ABCB11: variants seen among roughly 807,000 people sequenced by gnomAD.
ABCB11 encodes bile salt export pump.
In ABCB11, 95 loss-of-function variants were observed where a neutral mutation model predicts 148.0. The observed-to-expected ratio is 0.64, with a 90% CI of 0.54 to 0.76. The LOEUF is 0.76. Among genes scored for constraint, ABCB11 ranks in the 30% least tolerant of loss-of-function variants. The pLI is 0.00. For synonymous variants in ABCB11, 591 were observed against 555.4 expected (o/e 1.06, Z -0.90); for missense variants, 1,523 against 1,617.8 (o/e 0.94, Z 1.01).
intron 1 of ABCB11, among the ~76,000 whole-genome samples, chr2:169,023,458 A>G (rs1311160002): frequency 2.6e-5 from 4 of 152,214 alleles, no homozygotes; most frequent in African/African-American, 4.8e-5. Flanking sequence ...GCATGCAGAG[A>G]TATGTGTAAG....
intron 18 of ABCB11, among the ~76,000 whole-genome samples, chr2:168,959,949 A>G (rs907234043): frequency 1.2e-4 from 18 of 151,264 alleles, no homozygotes; most frequent in Non-Finnish European, 2.2e-4. Context: ...AAAAAAAAAA[A>G]AAAAAAAAAA....
chr2:168,935,473 C>T (rs748983132), intron 22 of ABCB11, 48 bp from the exon 23 acceptor site: 1 of 1,566,640 alleles, frequency 6.4e-7, no homozygotes, highest in Non-Finnish European at 8.7e-7. Flanking sequence ...GAAATAACTC[C>T]TTTCGTGACA....
At chr2:168,942,525 GAATT>G (rs1461336644) in intron 21 of ABCB11, among the ~76,000 whole-genome samples, 2 of 150,928 alleles carry the variant, frequency 1.3e-5, no homozygotes, top group Admixed American at 6.6e-5. Flanking sequence ...AAAATAGAAA[GAATT>G]AATAAGACAT....
chr2:168,988,377 T>C (rs1694399848), intron 9 of ABCB11, among the ~76,000 whole-genome samples: 1 of 152,104 alleles, frequency 6.6e-6, no homozygotes, highest in Non-Finnish European at 1.5e-5. Flanking sequence ...GTGCCTGGCT[T>C]ATTTCACTTA....
Position 168,930,806 on chromosome 2 carries a change from T to G in ABCB11, c.3270A>C (p.Arg1090=). 6.2e-7 allele frequency: 1 copy of G among 1,612,666 alleles called. No individual in the cohort carries two copies. Among genetic ancestry groups the G allele is most frequent in the Non-Finnish European group, 8.5e-7 (1 of 1,179,342 alleles). Residue 1090 remains arginine (R), a synonymous_variant, in exon 25 of 28, where the codon CGA becomes CGC. Coordinates refer to ENST00000650372, the MANE Select transcript of ABCB11 (RefSeq NM_003742.4). Reference sequence around the variant, plus strand: ...GACCATTCAGAACTTGCGAGTCAGGTCGAGAAGGATATGTAAATTTACAAT... The same window carrying G: ...GACCATTCAGAACTTGCGAGTCAGGGCGAGAAGGATATGTAAATTTACAAT... The part of the protein sequence containing the change: ...FVDCKFTYPS[R]PDSQVLNGLS...
In ABCB11 at chr2:168,923,425, A is replaced by G. The variant is rs1691158620; in HGVS notation, c.*197T>C. 4 of 625,738 alleles carry G rather than the reference A, an allele frequency of 6.4e-6. No individual in the cohort carries two copies. The African/African-American group carries it at 7.4e-5, about 12-fold the overall frequency. The allele number at this position is 625,738 out of a possible 1,614,324, so 38.8% of individuals were successfully genotyped here. On this transcript the variant is annotated 3_prime_UTR_variant, in exon 28 of 28. Coordinates refer to ENST00000650372, the MANE Select transcript of ABCB11 (RefSeq NM_003742.4). ...TCTTTCATTTTCTGTATACACATCTAAAGCAGAATTATTATGGAAGGCCAT... is the reference window on the plus strand; with the variant it reads ...TCTTTCATTTTCTGTATACACATCTGAAGCAGAATTATTATGGAAGGCCAT...
chr2:168,984,052 G>A (rs1172424978), intron 10 of ABCB11, among the ~76,000 whole-genome samples: 5 of 152,080 alleles, frequency 3.3e-5, no homozygotes, highest in Non-Finnish European at 7.4e-5. Context: ...AAATGGGTGA[G>A]TGTAAAAGGC....
chr2:169,011,083 C>T (rs2106042784), intron 5 of ABCB11, among the ~76,000 whole-genome samples: 1 of 152,262 alleles, frequency 6.6e-6, no homozygotes, highest in South Asian at 2.1e-4. Context: ...GGCTATGATG[C>T]AAATGTTGAA....
At chr2:168,976,455 C>A in intron 12 of ABCB11, 122 bp downstream of exon 12, 1 of 551,456 alleles carries the variant, frequency 1.8e-6, no homozygotes, top group Non-Finnish European at 3.2e-6. Context: ...CAGAGAAAGA[C>A]ACCTCCATTC....
At chr2:168,919,114 G>T (rs1203434004), downstream of ABCB11, among the ~76,000 whole-genome samples, 1 of 151,806 alleles carries the variant, frequency 6.6e-6, no homozygotes, top group East Asian at 1.9e-4. Flanking sequence ...TTTTACCCAT[G>T]TCCTATCCCA....
chr2:168,980,064 G>A (rs552233448), intron 10 of ABCB11, 85 bp from the exon 11 acceptor site: 101 of 727,824 alleles, frequency 1.4e-4, no homozygotes, highest in East Asian at 4.3e-4. Flanking sequence ...CCATGTTAAC[G>A]CAGAGAGTTA....
chr2:169,027,018 G>A (rs1194055671), intron 1 of ABCB11, among the ~76,000 whole-genome samples: 1 of 152,114 alleles, frequency 6.6e-6, no homozygotes, highest in East Asian at 1.9e-4. Context: ...ATACATTGAA[G>A]GAGGCTTTAA....
At chr2:168,937,618 A>G (rs933870363) in intron 21 of ABCB11, among the ~76,000 whole-genome samples, 2 of 152,202 alleles carry the variant, frequency 1.3e-5, no homozygotes, top group African/African-American at 4.8e-5. Context: ...TCAAGTACTG[A>G]TGCATTTGGC....
chr2:168,952,620 A>G (rs1692616795), intron 19 of ABCB11, among the ~76,000 whole-genome samples: 1 of 147,130 alleles, frequency 6.8e-6, no homozygotes, highest in South Asian at 2.1e-4. Flanking sequence ...TTGATTAGCT[A>G]GCAGTTTATC....
chr2:168,935,799 G>T (rs761619406), intron 22 of ABCB11, among the ~76,000 whole-genome samples: 26 of 152,164 alleles, frequency 1.7e-4, no homozygotes, highest in African/African-American at 6.0e-4. Flanking sequence ...AAGCCTGGGG[G>T]ACTCTAAAGT....
chr2:168,928,599 G>C (rs1446635034), intron 25 of ABCB11, among the ~76,000 whole-genome samples: 1 of 152,070 alleles, frequency 6.6e-6, no homozygotes, highest in Non-Finnish European at 1.5e-5. Context: ...CCTTGCTTTC[G>C]ACCTGTGACC....
intron 4 of ABCB11, among the ~76,000 whole-genome samples, 157 bp from the exon 5 acceptor site, chr2:169,013,667 A>G (rs1353890012): frequency 6.6e-6 from 1 of 152,198 alleles, no homozygotes; most frequent in East Asian, 1.9e-4. Context: ...TACTAATTAT[A>G]TTGAAATAAA....
At chr2:168,987,193 G>A (rs1027980673) in intron 9 of ABCB11, among the ~76,000 whole-genome samples, 3 of 152,082 alleles carry the variant, frequency 2.0e-5, no homozygotes, top group African/African-American at 4.8e-5. Flanking sequence ...GATGGATTTG[G>A]TAGCAACTGA....
intron 5 of ABCB11, among the ~76,000 whole-genome samples, chr2:169,012,486 T>C (rs1332887914): frequency 6.6e-6 from 1 of 152,088 alleles, no homozygotes; most frequent in Admixed American, 6.6e-5. Flanking sequence ...TTCTCACGCC[T>C]GTAATCTCAG....
Sources: gnomAD v4.1 joint callset for allele counts (sites outside exome capture counted in the v4.1 genomes callset) on GRCh38, gnomAD v4.1.1 for gene constraint, MANE v1.5 for transcripts, NCBI Gene and HGNC (gene_info 2026-07-23, HGNC 2026-07-21) for gene names.